Variants in PRTG observed in about 807,000 individuals in gnomAD.
PRTG encodes immunoglobulin superfamily, DCC subclass, member 5.
A neutral mutation model predicts 122.5 loss-of-function variants in PRTG; 67 were observed. The ratio of observed to expected loss-of-function variants is 0.55; its 90% CI spans 0.45 to 0.67. PRTG has a LOEUF of 0.67. PRTG is among the 30% of genes least tolerant of loss of function. PRTG has a pLI of 0.00. For synonymous variants in PRTG, 554 were observed against 501.1 expected (o/e 1.11, Z -1.41); for missense variants, 1,435 against 1,415.4 (o/e 1.01, Z -0.22).
At chr15:55,634,398 TGAAGAACTAAAA>T (rs1328125307) in intron 15 of PRTG, among the ~76,000 whole-genome samples, 2 of 152,084 alleles carry the variant, frequency 1.3e-5, no homozygotes, top group African/African-American at 4.8e-5. Context: ...CAGGTGCAAA[TGAAGAACTAAAA>T]GAAGTATGTG....
At chr15:55,726,451 C>G (rs1357554368) in intron 2 of PRTG, among the ~76,000 whole-genome samples, 1 of 151,788 alleles carries the variant, frequency 6.6e-6, no homozygotes, top group African/African-American at 2.4e-5. Context: ...GGTAAGTAAC[C>G]AAGAGAGCTG....
Position 55,672,532 on chromosome 15 carries a change from T to A in PRTG, c.1954A>T (p.Lys652Ter). The A allele has an allele frequency of 6.2e-7, 1 of 1,614,076 alleles. No homozygotes were observed. Among genetic ancestry groups the A allele is most frequent in the Non-Finnish European group, 8.5e-7 (1 of 1,179,952 alleles). The stretch of plus-strand genomic sequence containing the variant: ...TGCCCTTCTTCCTTGTAGTACAGCT[T>A]GTAGCCCTGAATAGCAGCTGTGTCC... ...VEDTAAIQGYKLYYKEEGQQE... is the reference protein window; with the variant it reads ...VEDTAAIQGY Residue 652 changes from lysine to a stop codon, truncating the protein, a stop_gained, in exon 11 of 20, where the codon AAG becomes TAG. Coordinates refer to ENST00000389286, the MANE Select transcript of PRTG (RefSeq NM_173814.6). LOFTEE classifies it high-confidence loss of function.
rs996020568 is a variant in PRTG at position 55,628,862 on chromosome 15, T to G, written c.2766A>C (p.Ser922=). Residue 922 remains serine (S), a synonymous_variant, in exon 16 of 20, where the codon TCA becomes TCC. Transcript: ENST00000389286. ...AATCTAAACGCTTGGGCCTCTGATT[T>G]GATTCAGAGGTTTCCTTTGGAAGTA... ...LAVLPKETSE[S]NQRPKRLDSA... 1.2e-6 allele frequency: 2 copies of G among 1,614,002 alleles called. No individual in the cohort carries two copies. The highest frequency in any genetic ancestry group is 1.3e-5 in the African/African-American group (1 of 75,036).
chr15:55,720,983 G>A (rs759138901), intron 2 of PRTG, among the ~76,000 whole-genome samples: 26 of 151,808 alleles, frequency 1.7e-4, no homozygotes, highest in Middle Eastern at 3.2e-3. Flanking sequence ...CACAGTCACC[G>A]AAAACTACGT....
intron 2 of PRTG, among the ~76,000 whole-genome samples, chr15:55,684,869 C>A (rs2059561732): frequency 6.6e-6 from 1 of 152,150 alleles, no homozygotes; most frequent in Non-Finnish European, 1.5e-5. Flanking sequence ...GGTAGAGAAA[C>A]TCAAGAGACG....
chr15:55,624,161 C>T (rs1173105292), intron 18 of PRTG, among the ~76,000 whole-genome samples, 181 bp downstream of exon 18: 8 of 150,848 alleles, frequency 5.3e-5, no homozygotes, highest in Non-Finnish European at 1.2e-4. Flanking sequence ...TTTTATCTAT[C>T]CTCACCTTTT....
intron 2 of PRTG, among the ~76,000 whole-genome samples, chr15:55,710,338 T>C (rs1030185122): frequency 2.0e-5 from 3 of 152,230 alleles, no homozygotes; most frequent in Non-Finnish European, 4.4e-5. Context: ...TACAGCAATG[T>C]TGTTCTACAT....
chr15:55,716,691 T>A (rs1035676907), intron 2 of PRTG, among the ~76,000 whole-genome samples: 8 of 152,200 alleles, frequency 5.3e-5, no homozygotes, highest in Non-Finnish European at 1.2e-4. Context: ...ACATACATTT[T>A]AAAGATGACA....
intron 11 of PRTG, among the ~76,000 whole-genome samples, chr15:55,667,967 G>T (rs2141785375): frequency 6.6e-6 from 1 of 152,212 alleles, no homozygotes; most frequent in South Asian, 2.1e-4. Flanking sequence ...CACGCCTGTG[G>T]TCCCAGCCAC....
chr15:55,715,152 A>G (rs1292237934), intron 2 of PRTG, among the ~76,000 whole-genome samples: 1 of 152,242 alleles, frequency 6.6e-6, no homozygotes, highest in Non-Finnish European at 1.5e-5. Context: ...TTAAGGCTAC[A>G]ATGACAGTTT....
chr15:55,625,867 C>G (rs2059191948), intron 17 of PRTG, among the ~76,000 whole-genome samples: 1 of 152,058 alleles, frequency 6.6e-6, no homozygotes, highest in Non-Finnish European at 1.5e-5. Context: ...AGGTGATCCG[C>G]TCACCTCGGC....
At chr15:55,724,855 C>T (rs150604684) in intron 2 of PRTG, among the ~76,000 whole-genome samples, 105 of 152,276 alleles carry the variant, frequency 6.9e-4, no homozygotes, top group Middle Eastern at 3.4e-3. Context: ...GAAATTAAGA[C>T]ATTCGCAGAG....
chr15:55,644,894 A>T (rs1471702010), intron 11 of PRTG, among the ~76,000 whole-genome samples: 3 of 152,184 alleles, frequency 2.0e-5, no homozygotes, highest in Non-Finnish European at 4.4e-5. Flanking sequence ...CATTTTTCAT[A>T]AGTGAACTAC....
chr15:55,727,999 G>C (rs2141878879), intron 2 of PRTG, among the ~76,000 whole-genome samples: 1 of 152,118 alleles, frequency 6.6e-6, no homozygotes, highest in East Asian at 1.9e-4. Flanking sequence ...TGAGTAGCTG[G>C]GACTATAGGT....
intron 11 of PRTG, among the ~76,000 whole-genome samples, chr15:55,662,523 T>C (rs2059415657): frequency 6.6e-6 from 1 of 152,238 alleles, no homozygotes; most frequent in Non-Finnish European, 1.5e-5. Flanking sequence ...TTCTTTCTTA[T>C]TAAAAATTCC....
At chr15:55,689,014 A>G (rs2059585864) in intron 2 of PRTG, among the ~76,000 whole-genome samples, 1 of 152,144 alleles carries the variant, frequency 6.6e-6, no homozygotes, top group Non-Finnish European at 1.5e-5. Flanking sequence ...CACTGATTTT[A>G]ACTCCTAAAC....
chr15:55,679,580 C>A (rs2059525446), intron 6 of PRTG, 135 bp from the exon 7 acceptor site: 1 of 620,448 alleles, frequency 1.6e-6, no homozygotes, highest in Admixed American at 3.1e-5. Context: ...GTCTACATCT[C>A]CATACATCTC....
At chr15:55,622,774 G>C (rs2059174083) in intron 18 of PRTG, among the ~76,000 whole-genome samples, 1 of 152,040 alleles carries the variant, frequency 6.6e-6, no homozygotes, top group Non-Finnish European at 1.5e-5. Context: ...GACCTCAGGT[G>C]ATACACCCAC....
At position 55,680,182 on chromosome 15, in the gene PRTG, C is replaced by T. The variant is rs1268334926; in HGVS notation, c.845G>A (p.Arg282Gln). The T allele has an allele frequency of 2.5e-6, 4 of 1,610,806 alleles. No individual in the cohort carries two copies. The highest frequency in any genetic ancestry group is 2.7e-5 in the African/African-American group (2 of 74,790). Reference sequence around the variant, plus strand: ...CATGAGATTACCATTTCCAAGTACCCGAGTATTAAAGACATCAATGGATTT... The same window carrying T: ...CATGAGATTACCATTTCCAAGTACCTGAGTATTAAAGACATCAATGGATTT... Reference protein sequence around the residue: ...DHKSIDVFNTRVLGNGNLMIS... With the variant: ...DHKSIDVFNTQVLGNGNLMIS... The change falls in exon 6 of 20, where the codon CGG (arginine) becomes CAG (glutamine). Residue 282 changes from arginine to glutamine, a missense_variant. By Grantham distance (43) the Arg-to-Gln change is conservative. Coordinates refer to ENST00000389286, the MANE Select transcript of PRTG (RefSeq NM_173814.6).
Sources: gnomAD v4.1 joint callset for allele counts (sites outside exome capture counted in the v4.1 genomes callset) on GRCh38, gnomAD v4.1.1 for gene constraint, MANE v1.5 for transcripts, NCBI Gene and HGNC (gene_info 2026-07-23, HGNC 2026-07-21) for gene names.